Variants in LINGO2 observed in about 807,000 individuals in gnomAD.
The protein encoded by LINGO2 is leucine rich repeat and Ig domain containing 2.
Under a neutral mutation model 30.6 loss-of-function variants are expected in LINGO2, and 14 were observed. The ratio of observed to expected loss-of-function variants is 0.46; its 90% confidence interval spans 0.30 to 0.72. The LOEUF is 0.72. Ranked by LOEUF, LINGO2 falls within the 30% of genes least tolerant of loss-of-function variation. The pLI is 0.07. For synonymous variants in LINGO2, 317 were observed against 288.5 expected (o/e 1.10, Z -1.00); for missense variants, 729 against 751.7 (o/e 0.97, Z 0.35).
intron 2 of LINGO2, among the ~76,000 whole-genome samples, chr9:28,458,585 CCT>C (rs1332684300): frequency 3.3e-5 from 5 of 152,086 alleles, no homozygotes; most frequent in African/African-American, 1.2e-4. Flanking sequence ...ACTTGGTCAT[CCT>C]CTCACTGATC....
At chr9:28,877,869 T>C in the LINGO2 span, among the ~76,000 whole-genome samples, 1 of 152,216 alleles carries the variant, frequency 6.6e-6, no homozygotes, top group Non-Finnish European at 1.5e-5. Context: ...CGATATTGAT[T>C]CTTCCTACCA....
chr9:28,005,949 T>C (rs1822246566), intron 5 of LINGO2, among the ~76,000 whole-genome samples: 1 of 150,368 alleles, frequency 6.7e-6, no homozygotes, highest in Admixed American at 6.7e-5. Flanking sequence ...CTGCACTTTC[T>C]GTCTATCTTC....
intron 1 of LINGO2, among the ~76,000 whole-genome samples, chr9:28,638,000 A>G (rs1049269825): frequency 2.0e-5 from 3 of 152,166 alleles, no homozygotes; most frequent in Non-Finnish European, 2.9e-5. Flanking sequence ...CAACCCATCA[A>G]TAACTAATTT....
intron 4 of LINGO2, among the ~76,000 whole-genome samples, chr9:28,158,916 A>T (rs1828211612): frequency 6.6e-6 from 1 of 152,214 alleles, no homozygotes; most frequent in South Asian, 2.1e-4. Context: ...ATTTTGAAAA[A>T]CATGGCTTTA....
intron 1 of LINGO2, among the ~76,000 whole-genome samples, chr9:28,479,305 G>C (rs1028332708): frequency 1.3e-5 from 2 of 151,822 alleles, no homozygotes; most frequent in South Asian, 4.1e-4. Flanking sequence ...TTTTTTTAAA[G>C]AATCATATCT....
the LINGO2 span, among the ~76,000 whole-genome samples, chr9:28,752,178 T>C: frequency 1.3e-5 from 2 of 151,902 alleles, no homozygotes; most frequent in Non-Finnish European, 1.5e-5. Flanking sequence ...CCTGGAAACA[T>C]TGTGTAAGTA....
chr9:28,390,967 C>T (rs1821807134), intron 2 of LINGO2, among the ~76,000 whole-genome samples: 1 of 152,038 alleles, frequency 6.6e-6, no homozygotes, highest in African/African-American at 2.4e-5. Context: ...ACTATTGATA[C>T]AGATGTAAAA....
chr9:28,792,042 A>G, the LINGO2 span, among the ~76,000 whole-genome samples: 1 of 150,530 alleles, frequency 6.6e-6, no homozygotes, highest in Non-Finnish European at 1.5e-5. Flanking sequence ...AGATATATAT[A>G]TGCAGAGTAT....
At chr9:29,086,935 G>A in the LINGO2 span, among the ~76,000 whole-genome samples, 7 of 142,596 alleles carry the variant, frequency 4.9e-5, no homozygotes, top group African/African-American at 1.3e-4. Context: ...CTCTGTCACC[G>A]CAATGGCACA....
intron 5 of LINGO2, among the ~76,000 whole-genome samples, chr9:27,981,723 T>C (rs984075395): frequency 2.6e-5 from 4 of 151,636 alleles, no homozygotes; most frequent in Non-Finnish European, 5.9e-5. Flanking sequence ...AAGAAAAACA[T>C]GGCACCTCCA....
the LINGO2 span, among the ~76,000 whole-genome samples, chr9:28,851,617 T>C: frequency 2.6e-5 from 4 of 152,166 alleles, no homozygotes; most frequent in Middle Eastern, 3.4e-3. Flanking sequence ...GTTTAATCTA[T>C]GATCTTACTG....
intron 2 of LINGO2, among the ~76,000 whole-genome samples, chr9:28,460,544 T>C (rs1051344329): frequency 1.3e-5 from 2 of 151,950 alleles, no homozygotes; most frequent in African/African-American, 2.4e-5. Flanking sequence ...TATAGTGCAA[T>C]AGGGGAAAGG....
chr9:28,118,150 A>G (rs1826988796), intron 4 of LINGO2, among the ~76,000 whole-genome samples: 1 of 152,052 alleles, frequency 6.6e-6, no homozygotes, highest in Non-Finnish European at 1.5e-5. Flanking sequence ...TACTTAGATG[A>G]TGGATTGATA....
At chr9:28,186,185 G>A (rs889884616) in intron 4 of LINGO2, among the ~76,000 whole-genome samples, 1 of 152,106 alleles carries the variant, frequency 6.6e-6, no homozygotes, top group Non-Finnish European at 1.5e-5. Flanking sequence ...TCATCCTATA[G>A]GGGGATTGGA....
At chr9:29,010,256 G>A in the LINGO2 span, among the ~76,000 whole-genome samples, 2 of 152,130 alleles carry the variant, frequency 1.3e-5, no homozygotes, top group East Asian at 1.9e-4. Flanking sequence ...CCTACAGAAT[G>A]GGAGAAAATT....
chr9:28,797,738 G>T, the LINGO2 span, among the ~76,000 whole-genome samples: 2 of 152,034 alleles, frequency 1.3e-5, no homozygotes, highest in Non-Finnish European at 2.9e-5. Flanking sequence ...GGAGATCTTG[G>T]CTAGAGATAC....
At chr9:29,142,186 A>G in the LINGO2 span, among the ~76,000 whole-genome samples, 36,978 of 151,696 alleles carry the variant, frequency 0.24, 4,692 homozygotes, top group East Asian at 0.44. Context: ...GTTCAGAAAG[A>G]TTGAAATCAT....
the LINGO2 span, among the ~76,000 whole-genome samples, chr9:29,206,593 C>T: frequency 6.6e-6 from 1 of 152,178 alleles, no homozygotes; most frequent in South Asian, 2.1e-4. Context: ...AGACCACTCA[C>T]ACTTCACCCT....
At chr9:28,335,429 A>G (rs1161147903) in intron 3 of LINGO2, among the ~76,000 whole-genome samples, 2 of 152,158 alleles carry the variant, frequency 1.3e-5, no homozygotes, top group East Asian at 1.9e-4. Flanking sequence ...TGAAAAACAT[A>G]CCCAAATTTC....
Sources: allele counts gnomAD v4.1 joint callset (sites outside exome capture counted in the v4.1 genomes callset), GRCh38; gene constraint gnomAD v4.1.1; transcripts MANE v1.5; gene names NCBI Gene and HGNC (gene_info 2026-07-23, HGNC 2026-07-21).